TRERF1: variants seen among roughly 807,000 people sequenced by gnomAD.
The protein encoded by TRERF1 is transcriptional regulating factor 1, also known as transcriptional-regulating factor 1.
Under a neutral mutation model 122.9 loss-of-function variants are expected in TRERF1, and 27 were observed. That is an observed-to-expected ratio of 0.22 (90% CI 0.16 to 0.30). The LOEUF is 0.30. Among genes scored for constraint, TRERF1 ranks in the 10% least tolerant of loss-of-function variants. The pLI is 1.00. For synonymous variants in TRERF1, 636 were observed against 641.7 expected, an observed-to-expected ratio of 0.99 and a Z score of 0.13; for missense variants, 1,248 against 1,560.3, an observed-to-expected ratio of 0.80 and a Z score of 3.37.
At chr6:42,402,457 G>A (rs188389321) in intron 2 of TRERF1, among the ~76,000 whole-genome samples, 10 of 152,260 alleles carry the variant, frequency 6.6e-5, no homozygotes, top group Admixed American at 5.9e-4. Flanking sequence ...CCTGTTCACC[G>A]CTACTCGTCA....
chr6:42,395,216 T>C (rs1286959068), intron 2 of TRERF1, among the ~76,000 whole-genome samples: 1 of 152,112 alleles, frequency 6.6e-6, no homozygotes, highest in Non-Finnish European at 1.5e-5. Flanking sequence ...GTGGACTAAC[T>C]AAAAGGAGCG....
At position 42,259,451 on chromosome 6, in the gene TRERF1, C is replaced by G; in HGVS notation, c.2157G>C (p.Gln719His). The stretch of plus-strand genomic sequence containing the variant: ...GGACATTGCTGAAGAGCCCCGAGCC[C>G]TGGCGCACCGGGCTCAGCATGGGTG... Residue 719 changes from glutamine to histidine, a missense_variant, in exon 9 of 18, where the codon CAG becomes CAC. Physicochemically the swap from Gln to His is conservative, Grantham distance 24. Transcript: ENST00000372922. The surrounding 1 kb of genome is among the most constrained non-coding windows in gnomAD (Gnocchi z 4.9). 1 of 1,603,036 alleles carries G rather than the reference C, an allele frequency of 6.2e-7. No individual in the cohort carries two copies. The highest frequency in any genetic ancestry group is 1.1e-5 in the South Asian group (1 of 90,510).
chr6:42,268,390 G>T lies in TRERF1; in HGVS notation c.1201C>A (p.Gln401Lys). The T allele has an allele frequency of 6.5e-7, 1 of 1,543,076 alleles. No homozygotes were observed. Among genetic ancestry groups the T allele is most frequent in the South Asian group, 1.3e-5 (1 of 78,334 alleles). ...GTCTTCAGCTGACTGTCCTCACGCT[G>T]CTGGTGCTGGGACAGGTGGCTCTGC... The change falls in exon 5 of 18, where the codon CAG becomes AAG. Residue 401 changes from glutamine (Q) to lysine (K), a missense_variant. By Grantham distance (53) the Gln-to-Lys change is moderately conservative. Transcript: ENST00000372922. This position sits in a 1 kb window ranked among gnomAD's most constrained non-coding sequence, Gnocchi z 4.4.
intron 2 of TRERF1, among the ~76,000 whole-genome samples, chr6:42,418,266 C>CT (rs60655151): frequency 0.5 from 18,347 of 36,886 alleles, 5,506 homozygotes; most frequent in Non-Finnish European, 0.59. Context: ...TTCTTTCTTT[C>CT]TTTTTTTTTT....
chr6:42,283,016 T>G (rs774024129), intron 4 of TRERF1, among the ~76,000 whole-genome samples: 3 of 152,210 alleles, frequency 2.0e-5, no homozygotes, highest in African/African-American at 7.2e-5. Flanking sequence ...GCTTATCTAA[T>G]TCACCCATTT....
chr6:42,392,031 A>G (rs912814347), intron 2 of TRERF1, among the ~76,000 whole-genome samples: 1 of 152,144 alleles, frequency 6.6e-6, no homozygotes, highest in African/African-American at 2.4e-5. Flanking sequence ...ATCAGCCTCT[A>G]TCTCCTTCCC....
chr6:42,331,322 G>A (rs1428816781), intron 3 of TRERF1, among the ~76,000 whole-genome samples: 1 of 152,218 alleles, frequency 6.6e-6, no homozygotes, highest in African/African-American at 2.4e-5. Context: ...AGTCCAGAGA[G>A]TGAGAGAAGC....
At chr6:42,252,826 C>T (rs534077173) in intron 13 of TRERF1, among the ~76,000 whole-genome samples, 1 of 152,350 alleles carries the variant, frequency 6.6e-6, no homozygotes, top group East Asian at 1.9e-4. Flanking sequence ...CTAGAAGATT[C>T]TCTGAGTCCC....
At chr6:42,334,580 G>A (rs1397775550) in intron 3 of TRERF1, among the ~76,000 whole-genome samples, 1 of 152,182 alleles carries the variant, frequency 6.6e-6, no homozygotes, top group Non-Finnish European at 1.5e-5. Context: ...CCTTAGACTG[G>A]TTACTCTGTG....
intron 2 of TRERF1, among the ~76,000 whole-genome samples, chr6:42,381,401 G>A (rs1414674178): frequency 6.6e-6 from 1 of 151,674 alleles, no homozygotes; most frequent in African/African-American, 2.4e-5. Context: ...ATAATAGCCT[G>A]TGATCCCTAG....
intron 2 of TRERF1, among the ~76,000 whole-genome samples, chr6:42,448,773 G>A (rs934673438): frequency 1.3e-5 from 2 of 152,138 alleles, no homozygotes; most frequent in African/African-American, 4.8e-5. Context: ...ACTACTTTAA[G>A]TTCTTTGTCA....
chr6:42,391,147 G>T (rs908685537), intron 2 of TRERF1, among the ~76,000 whole-genome samples: 1 of 152,212 alleles, frequency 6.6e-6, no homozygotes, highest in African/African-American at 2.4e-5. Flanking sequence ...TTGGATCCCA[G>T]TTCTCCCATC....
intron 2 of TRERF1, among the ~76,000 whole-genome samples, chr6:42,379,161 C>A (rs186633333): frequency 6.6e-6 from 1 of 151,948 alleles, no homozygotes; most frequent in Non-Finnish European, 1.5e-5. Flanking sequence ...TACCACCCCC[C>A]ACAGTCTTTC....
At chr6:42,299,139 T>TCTATCTAC (rs1561939031) in intron 4 of TRERF1, among the ~76,000 whole-genome samples, 16 of 114,106 alleles carry the variant, frequency 1.4e-4, no homozygotes, top group Admixed American at 5.1e-4. Flanking sequence ...TCTATCTACA[T>TCTATCTAC]ATATATATAT....
chr6:42,303,904 TAAAA>T (rs60880174), intron 3 of TRERF1, among the ~76,000 whole-genome samples: 1 of 69,260 alleles, frequency 1.4e-5, no homozygotes, highest in African/African-American at 6.1e-5. Context: ...CACTGTCTCA[TAAAA>T]AAAAAAAAAA....
chr6:42,295,481 A>G (rs978644518), intron 4 of TRERF1, among the ~76,000 whole-genome samples: 1 of 152,170 alleles, frequency 6.6e-6, no homozygotes, highest in Non-Finnish European at 1.5e-5. Flanking sequence ...GGGACCACAA[A>G]GGCCATCTGT....
rs1434551133 is a variant in TRERF1 at position 42,246,406 on chromosome 6, C to A, written c.2745+50G>T. On this transcript the variant is annotated intron_variant, in intron 14 of 17. Transcript: ENST00000372922. ...AAATATTTCTAAATATTTTTGTGTA[C>A]AATTTCCCAAATTTAATTTCAAGGG... The A allele has an allele frequency of 3.0e-6, 4 of 1,353,340 alleles. No individual in the cohort carries two copies. The South Asian group carries it at 5.1e-5, about 17-fold the overall frequency. The allele number at this position is 1,353,340 out of a possible 1,614,324, so 83.8% of individuals were successfully genotyped here.
At chr6:42,444,285 T>A (rs1009594132) in intron 2 of TRERF1, among the ~76,000 whole-genome samples, 4 of 151,760 alleles carry the variant, frequency 2.6e-5, no homozygotes, top group East Asian at 1.9e-4. Context: ...CTTTTTCTAA[T>A]CATAGTTTTC....
At position 42,269,536 on chromosome 6, in the gene TRERF1, G is replaced by C. The variant is rs1779855092; in HGVS notation, c.55C>G (p.Leu19Val). ...CCAAGTGGTGGCTGTTGGTAGAAAA[G>C]GTTCTCACTACCATGGGCCACATGG... The change falls in exon 5 of 18, where the codon CTT (leucine) becomes GTT (valine). Residue 19 changes from leucine to valine, a missense_variant. By Grantham distance (32) the Leu-to-Val change is conservative. This residue lies in a region of TRERF1 where 946 missense variants were observed against 1,073.0 expected (regional missense o/e 0.88). Transcript: ENST00000372922. This position sits in a 1 kb window ranked among gnomAD's most constrained non-coding sequence, Gnocchi z 4.9. 1.2e-6 allele frequency: 2 copies of C among 1,614,200 alleles called. No homozygotes were observed. The highest frequency in any genetic ancestry group is 2.2e-5 in the South Asian group (2 of 91,086).
Sources: allele counts gnomAD v4.1 joint callset (sites outside exome capture counted in the v4.1 genomes callset), GRCh38; gene constraint gnomAD v4.1.1; regional missense constraint gnomAD v4.1.1; non-coding constraint Gnocchi (gnomAD v3.1); transcripts MANE v1.5; gene names NCBI Gene and HGNC (gene_info 2026-07-23, HGNC 2026-07-21).